Variants in HFM1 observed in about 807,000 individuals in gnomAD.
HFM1 encodes the protein probable ATP-dependent DNA helicase HFM1.
In HFM1, 169 loss-of-function variants were observed where a neutral mutation model predicts 192.1. The ratio of observed to expected loss-of-function variants is 0.88; its 90% CI spans 0.78 to 1.00. The LOEUF is 1.00. Ranked by LOEUF, HFM1 falls within the 50% of genes least tolerant of loss-of-function variation. HFM1 has a pLI of 0.00. For missense variants in HFM1, 1,661 were observed against 1,668.0 expected (o/e 1.00, Z 0.07); for synonymous variants, 525 against 537.8 (o/e 0.98, Z 0.33).
intron 13 of HFM1, among the ~76,000 whole-genome samples, chr1:91,362,044 C>G (rs748080835): frequency 7.9e-5 from 12 of 152,134 alleles, no homozygotes; most frequent in Non-Finnish European, 2.9e-5. Context: ...GAACATACCT[C>G]AAAATAATAA....
intron 20 of HFM1, 97 bp downstream of exon 20, chr1:91,343,333 A>G (rs1439302746): frequency 2.0e-5 from 12 of 614,562 alleles, no homozygotes; most frequent in Non-Finnish European, 3.5e-5. Context: ...TGAGATCACA[A>G]TTTAGTTTTA....
chr1:91,342,633 G>T (rs1655520929), intron 20 of HFM1, among the ~76,000 whole-genome samples: 1 of 151,920 alleles, frequency 6.6e-6, no homozygotes, highest in South Asian at 2.1e-4. Flanking sequence ...CCTTATAAAG[G>T]CCCCCATGTC....
intron 30 of HFM1, among the ~76,000 whole-genome samples, chr1:91,297,658 G>A (rs533015168): frequency 1.7e-4 from 26 of 152,306 alleles, no homozygotes; most frequent in Middle Eastern, 3.4e-3. Flanking sequence ...TGCAGCCTCC[G>A]CTGCTGATAC....
intron 30 of HFM1, among the ~76,000 whole-genome samples, chr1:91,294,375 C>G (rs77388300): frequency 1.5e-4 from 23 of 152,238 alleles, no homozygotes; most frequent in African/African-American, 5.5e-4. Context: ...TGGACTCATA[C>G]AGTATTACCT....
At chr1:91,379,666 A>G (rs1661319813) in intron 8 of HFM1, among the ~76,000 whole-genome samples, 1 of 115,260 alleles carries the variant, frequency 8.7e-6, no homozygotes, top group African/African-American at 4.1e-5. Flanking sequence ...TTCTCAGGCA[A>G]GTGTAACTAA....
At chr1:91,271,224 C>T (rs1228061875) in intron 34 of HFM1, among the ~76,000 whole-genome samples, 1 of 152,066 alleles carries the variant, frequency 6.6e-6, no homozygotes, top group Non-Finnish European at 1.5e-5. Context: ...GGAAGTCTAC[C>T]TTTTTCCACT....
At chr1:91,321,190 C>T (rs1652048379) in intron 23 of HFM1, among the ~76,000 whole-genome samples, 1 of 152,154 alleles carries the variant, frequency 6.6e-6, no homozygotes, top group Admixed American at 6.5e-5. Flanking sequence ...GCCTGTAATC[C>T]CAGCACTTTG....
intron 13 of HFM1, among the ~76,000 whole-genome samples, chr1:91,367,623 C>T (rs1488782022): frequency 1.3e-5 from 2 of 152,146 alleles, no homozygotes; most frequent in Non-Finnish European, 2.9e-5. Flanking sequence ...TCATCAAAGA[C>T]CAAAGGTAGA....
rs1318188493 is a variant in HFM1, at chr1:91,288,857, C to T, written c.3392-11795G>A. On this transcript the variant is annotated intron_variant, in intron 30 of 38. Transcript: ENST00000370425. ...CTTTTCTATTCAACAAAACCGCCAT[C>T]GTCATCATGGCCCTTTCTCAATGAG... Among the ~76,000 whole-genome samples the T allele has an allele frequency of 3.9e-5, 6 of 152,318 alleles. No individual in the cohort carries two copies. In the East Asian group the frequency reaches 5.8e-4, roughly 15 times the overall value.
Position 91,375,514 on chromosome 1 carries a change from C to A in HFM1, c.1596+13G>T. 6.2e-7 allele frequency: 1 copy of A among 1,611,922 alleles called. No individual in the cohort carries two copies. On this transcript the variant is annotated intron_variant, in intron 12 of 38. Transcript: ENST00000370425. The stretch of plus-strand genomic sequence containing the variant: ...CTGAATATACTAAAAAATAAGCTAT[C>A]AACAATCCATACCACAAGTGTGGGT...
At position 91,323,076 on chromosome 1, in the gene HFM1, A is replaced by G. The variant is rs769917741; in HGVS notation, c.2534+17T>C. ...AAAACCTCTTAAAATTATTTAAAACATATGTAATTTCTGTACCTGATAGTT... is the reference window on the plus strand; with the variant it reads ...AAAACCTCTTAAAATTATTTAAAACGTATGTAATTTCTGTACCTGATAGTT... On this transcript the variant is annotated intron_variant, in intron 22 of 38. Coordinates refer to ENST00000370425, the MANE Select transcript of HFM1 (RefSeq NM_001017975.6). 11 of 1,419,900 alleles carry G rather than the reference A, an allele frequency of 7.7e-6. No homozygotes were observed. In the South Asian group the frequency reaches 1.3e-4, roughly 17 times the overall value. The allele number at this position is 1,419,900 out of a possible 1,614,324, so 88.0% of individuals were successfully genotyped here.
At chr1:91,328,604 T>A in intron 20 of HFM1, 1 of 1,604,058 alleles carries the variant, frequency 6.2e-7, no homozygotes, top group Non-Finnish European at 8.5e-7. Flanking sequence ...ATTCGCGTGA[T>A]GGAGAACGGC....
At chr1:91,388,907 G>T (rs569229625) in intron 4 of HFM1, among the ~76,000 whole-genome samples, 2 of 152,170 alleles carry the variant, frequency 1.3e-5, no homozygotes, top group Non-Finnish European at 2.9e-5. Flanking sequence ...ATAAGAGACT[G>T]TTATTGGGAA....
chr1:91,403,917 T>C (rs1287036286), intron 1 of HFM1, among the ~76,000 whole-genome samples: 3 of 152,236 alleles, frequency 2.0e-5, no homozygotes, highest in Non-Finnish European at 4.4e-5. Context: ...AAACTTATTG[T>C]ATAAAATTGC....
At chr1:91,381,684 C>T (rs1462027569) in intron 6 of HFM1, among the ~76,000 whole-genome samples, 1 of 152,016 alleles carries the variant, frequency 6.6e-6, no homozygotes, top group African/African-American at 2.4e-5. Context: ...TCATTGAACA[C>T]TATATACAGA....
intron 18 of HFM1, among the ~76,000 whole-genome samples, 199 bp from the exon 19 acceptor site, chr1:91,347,675 T>C (rs938689906): frequency 6.6e-6 from 1 of 152,176 alleles, no homozygotes; most frequent in Non-Finnish European, 1.5e-5. Flanking sequence ...TGGTATGGAA[T>C]AAATTTCCAA....
chr1:91,389,395 T>C (rs865965250), intron 4 of HFM1, among the ~76,000 whole-genome samples: 2 of 152,056 alleles, frequency 1.3e-5, no homozygotes, highest in Non-Finnish European at 2.9e-5. Flanking sequence ...CTCCTGACCT[T>C]GTGATCTGCC....
At chr1:91,321,392 G>A (rs1021014229) in intron 23 of HFM1, among the ~76,000 whole-genome samples, 3 of 152,100 alleles carry the variant, frequency 2.0e-5, no homozygotes, top group African/African-American at 2.4e-5. Context: ...TGCAGTGAGC[G>A]GAGATCATGC....
In HFM1 at chr1:91,375,635, A is replaced by G; in HGVS notation, c.1488T>C (p.Leu496=). The stretch of plus-strand genomic sequence containing the variant: ...TTTGGTTACTACTGCAGGGAAATCC[A>G]AGGACCACTTTCTGAAGTTTCACTG... ...HRPVKLQKVV[L]GFPCSSNQTE... The change falls in exon 12 of 39, where the codon CTT becomes CTC. Residue 496 remains leucine (L), a synonymous_variant. Transcript: ENST00000370425. 6.2e-7 allele frequency: 1 copy of G among 1,613,466 alleles called. No individual in the cohort carries two copies. The highest frequency in any genetic ancestry group is 2.2e-5 in the East Asian group (1 of 44,852).
Sources: allele counts gnomAD v4.1 joint callset (sites outside exome capture counted in the v4.1 genomes callset), GRCh38; gene constraint gnomAD v4.1.1; transcripts MANE v1.5; gene names NCBI Gene and HGNC (gene_info 2026-07-23, HGNC 2026-07-21).